The following IQSEC1 variants were observed in gnomAD, a reference collection of about 807,000 sequenced individuals.
IQSEC1 encodes the protein IQ motif and Sec7 domain ArfGEF 1.
Under a neutral mutation model 91.0 loss-of-function variants are expected in IQSEC1, and 31 were observed. The observed-to-expected ratio is 0.34, with a 90% CI of 0.26 to 0.46. The LOEUF is 0.46. IQSEC1 is among the 20% of genes least tolerant of loss of function. IQSEC1 has a pLI of 1.00. For missense variants in IQSEC1, 1,388 were observed against 1,575.6 expected (o/e 0.88, Z 2.02); for synonymous variants, 699 against 662.6 (o/e 1.05, Z -0.84).
intron 2 of IQSEC1, among the ~76,000 whole-genome samples, chr3:13,133,932 G>A (rs1706665250): frequency 6.6e-6 from 1 of 152,182 alleles, no homozygotes; most frequent in African/African-American, 2.4e-5. Context: ...GCTGCGGGAA[G>A]ACACCTAGCC....
chr3:13,244,724 A>C (rs563383920), intron 1 of IQSEC1, among the ~76,000 whole-genome samples: 216 of 152,252 alleles, frequency 1.4e-3, no homozygotes, highest in Non-Finnish European at 2.6e-3. Context: ...CAGGGAGAGG[A>C]CTGTCAAGGA....
chr3:13,073,191 G>A lies in IQSEC1; in HGVS notation c.-177C>T, dbSNP rs74753289. 0.26 allele frequency: 169,420 copies of A among 657,208 alleles called. 29,384 individuals carry two copies. The highest frequency in any genetic ancestry group is 0.44 in the South Asian group (25,347 of 57,178). 40.7% of individuals were successfully genotyped at this position (657,208 alleles called of 1,614,324 possible). On this transcript the variant is annotated 5_prime_UTR_variant, in exon 1 of 14. Coordinates refer to ENST00000613206, the MANE Select transcript of IQSEC1 (RefSeq NM_001134382.3). Reference sequence around the variant, plus strand: ...CCAGGGAGGCTGGGGCGGGAGCGGGGGGCGGCGCCAGCAGCGGGCTGTGGA... The same window carrying A: ...CCAGGGAGGCTGGGGCGGGAGCGGGAGGCGGCGCCAGCAGCGGGCTGTGGA...
At chr3:12,914,514 G>A (rs896276386) in intron 8 of IQSEC1, among the ~76,000 whole-genome samples, 1 of 152,204 alleles carries the variant, frequency 6.6e-6, no homozygotes, top group South Asian at 2.1e-4. Context: ...GAAGGAGAGA[G>A]GATGGGAGGG....
intron 1 of IQSEC1, among the ~76,000 whole-genome samples, chr3:12,998,512 G>A (rs1702303268): frequency 6.6e-6 from 1 of 152,170 alleles, no homozygotes; most frequent in Non-Finnish European, 1.5e-5. Flanking sequence ...TAAGCCAGGT[G>A]TGGCAACTCT....
At chr3:13,246,356 A>G (rs1695108295) in intron 1 of IQSEC1, among the ~76,000 whole-genome samples, 1 of 152,058 alleles carries the variant, frequency 6.6e-6, no homozygotes, top group African/African-American at 2.4e-5. Flanking sequence ...GGGCTGGGGC[A>G]GGGGAATAAG....
At chr3:13,135,129 C>T (rs1706686702) in intron 2 of IQSEC1, among the ~76,000 whole-genome samples, 1 of 152,226 alleles carries the variant, frequency 6.6e-6, no homozygotes, top group Admixed American at 6.5e-5. Context: ...TCCTCATCTG[C>T]AGGATGGGCA....
At chr3:12,912,829 G>T (rs1695698915) in intron 9 of IQSEC1, among the ~76,000 whole-genome samples, 1 of 152,074 alleles carries the variant, frequency 6.6e-6, no homozygotes, top group Non-Finnish European at 1.5e-5. Context: ...CTTTTTTTCT[G>T]GCAAGAGCTC....
chr3:12,920,365 G>A, intron 6 of IQSEC1, 65 bp downstream of exon 6: 1 of 1,547,914 alleles, frequency 6.5e-7, no homozygotes. Context: ...TACATCTGGG[G>A]AGGGCCTGGC....
intron 1 of IQSEC1, among the ~76,000 whole-genome samples, chr3:13,018,540 G>T (rs775950875): frequency 6.6e-6 from 1 of 152,272 alleles, no homozygotes; most frequent in Non-Finnish European, 1.5e-5. Flanking sequence ...CCTGACCTGA[G>T]AGGGGCTGTG....
intron 1 of IQSEC1, among the ~76,000 whole-genome samples, chr3:13,217,088 T>C (rs938201715): frequency 6.6e-6 from 1 of 151,886 alleles, no homozygotes; most frequent in Non-Finnish European, 1.5e-5. Flanking sequence ...TTATTCTTAG[T>C]GCTTTTAAAA....
intron 12 of IQSEC1, among the ~76,000 whole-genome samples, chr3:12,905,898 C>A (rs147662309): frequency 7.4e-4 from 112 of 152,326 alleles, no homozygotes; most frequent in African/African-American, 2.5e-3. Flanking sequence ...CTTGCTGGGT[C>A]CTTGGTCTTG....
At chr3:12,945,717 G>A (rs1340603954) in intron 1 of IQSEC1, among the ~76,000 whole-genome samples, 2 of 152,148 alleles carry the variant, frequency 1.3e-5, no homozygotes, top group African/African-American at 2.4e-5. Flanking sequence ...CCTCTTGATG[G>A]CCCCAATCAG....
upstream of IQSEC1, among the ~76,000 whole-genome samples, chr3:13,077,843 C>CT (rs1230447237): frequency 6.6e-6 from 1 of 152,248 alleles, no homozygotes; most frequent in Admixed American, 6.5e-5. Flanking sequence ...GACCCTGGCC[C>CT]TATAACAGTT....
intron 1 of IQSEC1, among the ~76,000 whole-genome samples, chr3:12,976,366 C>T (rs1395171720): frequency 6.6e-6 from 1 of 152,216 alleles, no homozygotes; most frequent in African/African-American, 2.4e-5. Context: ...TTCCCCACCT[C>T]TTCCCCGGCT....
At chr3:12,973,163 A>C (rs1559688503) in intron 1 of IQSEC1, among the ~76,000 whole-genome samples, 1 of 152,108 alleles carries the variant, frequency 6.6e-6, no homozygotes. Context: ...CCTACGTGAC[A>C]CTGAACTGCT....
chr3:13,078,390 C>A (rs1480660099), upstream of IQSEC1, among the ~76,000 whole-genome samples: 2 of 152,138 alleles, frequency 1.3e-5, no homozygotes, highest in East Asian at 3.9e-4. Context: ...GATGCTGGGC[C>A]CCTGCGTGCA....
At chr3:13,006,871 C>CCTGGGGTCTGTGCTCTGGG (rs1409993328) in intron 1 of IQSEC1, among the ~76,000 whole-genome samples, 2 of 152,244 alleles carry the variant, frequency 1.3e-5, no homozygotes, top group Non-Finnish European at 2.9e-5. Flanking sequence ...TTGGCAGATG[C>CCTGGGGTCTGTGCTCTGGG]CTGGGGTCTG....
intron 2 of IQSEC1, among the ~76,000 whole-genome samples, chr3:13,151,943 G>T (rs180861442): frequency 1.5e-3 from 223 of 152,250 alleles, no homozygotes; most frequent in African/African-American, 5.2e-3. Context: ...TCCAGGCTGG[G>T]TGACAGAAGC....
intron 2 of IQSEC1, among the ~76,000 whole-genome samples, chr3:13,094,989 C>T (rs1705929440): frequency 1.3e-5 from 2 of 152,102 alleles, no homozygotes; most frequent in Admixed American, 6.5e-5. Flanking sequence ...CGGTTTTGTT[C>T]GGTGGTGATC....
Sources: allele counts gnomAD v4.1 joint callset (sites outside exome capture counted in the v4.1 genomes callset), GRCh38; gene constraint gnomAD v4.1.1; transcripts MANE v1.5; gene names NCBI Gene and HGNC (gene_info 2026-07-23, HGNC 2026-07-21).